The following CC2D1B variants were observed in gnomAD, a reference collection of about 807,000 sequenced individuals.
CC2D1B encodes the protein coiled-coil and C2 domain containing 1B, also known as coiled-coil and C2 domain-containing protein 1B.
Under a neutral mutation model 110.8 loss-of-function variants are expected in CC2D1B, and 92 were observed. The ratio of observed to expected loss-of-function variants is 0.83; its 90% confidence interval spans 0.70 to 0.99. The LOEUF (loss-of-function observed/expected upper bound fraction) is 0.99, where lower values mean the gene tolerates loss of function less well. CC2D1B is among the 50% of genes least tolerant of loss of function. The probability of loss-of-function intolerance (pLI) is 0.00; values close to 1 mark genes in which losing one functional copy is unlikely to be tolerated. For synonymous variants in CC2D1B, 406 were observed against 429.2 expected, an observed-to-expected ratio of 0.95 and a Z score of 0.67; for missense variants, 1,136 against 1,089.0, an observed-to-expected ratio of 1.04 and a Z score of -0.61.
At position 52,356,241 on chromosome 1, in the gene CC2D1B, G is replaced by A. The variant is rs1444760685; in HGVS notation, c.1999C>T (p.Gln667Ter). 3.7e-6 allele frequency: 6 copies of A among 1,614,066 alleles called. No homozygotes were observed. The highest frequency in any genetic ancestry group is 5.1e-6 in the Non-Finnish European group (6 of 1,180,042). ...TGGTGGGTGGGAGGGTCGAGGCCCTGAGCCTGGGCCAGCTGCAGGATCTCC... is the reference window on the plus strand; with the variant it reads ...TGGTGGGTGGGAGGGTCGAGGCCCTAAGCCTGGGCCAGCTGCAGGATCTCC... ...QLEILQLAQAQGLDPPTHHFE... is the reference protein window; with the variant it reads ...QLEILQLAQA The change falls in exon 18 of 25, where the codon CAG becomes TAG. Residue 667 changes from glutamine (Q) to a stop codon, truncating the protein, a stop_gained. Coordinates refer to ENST00000284376, the MANE Select transcript of CC2D1B (RefSeq NM_001330585.2). LOFTEE classifies it high-confidence loss of function.
At chr1:52,356,776 C>CCCT in intron 16 of CC2D1B, 1 of 601,424 alleles carries the variant, frequency 1.7e-6, no homozygotes, top group Middle Eastern at 4.4e-4. Flanking sequence ...AATGTTCTTT[C>CCCT]CCTCTTCTCT....
chr1:52,360,861 G>A (rs766450707), intron 5 of CC2D1B, 113 bp downstream of exon 5: 7 of 1,324,158 alleles, frequency 5.3e-6, no homozygotes, highest in African/African-American at 2.9e-5. Flanking sequence ...GGCTGCTGGG[G>A]GAGGGTCCTG....
Position 52,355,649 on chromosome 1 carries a change from G to A in CC2D1B, c.2146C>T (p.Leu716=). The change falls in exon 20 of 25, where the codon CTG becomes TTG. Residue 716 remains leucine, a synonymous_variant. Transcript: ENST00000284376. ...PAPPGVTPDD[L]DAFVRFEFHY... ...AACTCAAACCGCACAAAAGCATCCA[G>A]GTCATCGGGAGTCACCCCTGGGAAG... 6.2e-7 allele frequency: 1 copy of A among 1,614,196 alleles called. No individual in the cohort carries two copies.
intron 22 of CC2D1B, 45 bp downstream of exon 22, chr1:52,354,795 C>G (rs1473277352): frequency 1.2e-6 from 2 of 1,603,502 alleles, no homozygotes; most frequent in Non-Finnish European, 1.7e-6. Context: ...AAACGCTCTT[C>G]CCTCCTCCCG....
Position 52,353,611 on chromosome 1 carries a change from C to G in CC2D1B, c.2467G>C (p.Glu823Gln). 6.2e-7 allele frequency: 1 copy of G among 1,611,716 alleles called. No homozygotes were observed. Among genetic ancestry groups the G allele is most frequent in the Non-Finnish European group, 8.5e-7 (1 of 1,178,840 alleles). ...GGCTCCCGCAGCCTCACCTTCACCT[C>G]CAGCTTCCCCCCGGTGGGCTTCCTT... ...DGRKPTGGKLEVKVRLREPLS... is the reference protein window; with the variant it reads ...DGRKPTGGKLQVKVRLREPLS... Residue 823 changes from glutamate to glutamine, a missense_variant, in exon 24 of 25, where the codon GAG becomes CAG. Transcript: ENST00000284376.
rs779686730 is a variant in CC2D1B, at chr1:52,359,159, T to C, written c.1127-2A>G. ...CTGTCTGTGACTCTGTAGGGGCCAC[T>C]TGAAGGAAAGAAGGAAGAAGTGGGC... is the stretch of plus-strand genomic sequence containing the variant. On this transcript the variant is annotated splice_acceptor_variant, in intron 10 of 24. Coordinates refer to ENST00000284376, the MANE Select transcript of CC2D1B (RefSeq NM_001330585.2). LOFTEE classifies it high-confidence loss of function. 19 of 1,609,522 alleles carry C rather than the reference T, an allele frequency of 1.2e-5. No homozygotes were observed. The highest frequency in any genetic ancestry group is 2.2e-5 in the South Asian group (2 of 91,062).
Position 52,355,602 on chromosome 1 carries a change from C to A in CC2D1B, c.2187+6G>T. Reference sequence around the variant, plus strand: ...TCAGAGGATCCTACTTCTACCTGAACCTCACCGAGTTAGGGTAGTGAAACT... The same window carrying A: ...TCAGAGGATCCTACTTCTACCTGAAACTCACCGAGTTAGGGTAGTGAAACT... On this transcript the variant is annotated splice_donor_region_variant and intron_variant, in intron 20 of 24. Transcript: ENST00000284376. 6.2e-7 allele frequency: 1 copy of A among 1,614,144 alleles called. No homozygotes were observed. Among genetic ancestry groups the A allele is most frequent in the Non-Finnish European group, 8.5e-7 (1 of 1,180,006 alleles).
In CC2D1B at chr1:52,359,750, C is replaced by T. The variant is rs918231104; in HGVS notation, c.897G>A (p.Arg299=). The change falls in exon 8 of 25, where the codon CGG becomes CGA. Residue 299 remains arginine (R), a synonymous_variant. Transcript: ENST00000284376. ...CTCGGGCACGGTCTAGCTCTCCAGC[C>T]CGCTTGGCACTGAGGGCAGCCACTT... ...EYKVAALSAK[R]AGELDRAREL... is the part of the protein sequence containing the mutation. 7 of 1,610,212 alleles carry T rather than the reference C, an allele frequency of 4.3e-6. No individual in the cohort carries two copies. In the Admixed American group the frequency reaches 1.2e-4, roughly 27 times the overall value.
Position 52,359,134 on chromosome 1 carries a change from C to G in CC2D1B, c.1150G>C (p.Val384Leu), listed in dbSNP as rs543556825. Residue 384 changes from valine (V) to leucine (L), a missense_variant, in exon 11 of 25, where the codon GTG (valine) becomes CTG (leucine). Coordinates refer to ENST00000284376, the MANE Select transcript of CC2D1B (RefSeq NM_001330585.2). The part of the protein sequence containing the change: ...TPVAPTESQT[V>L]LDALQQRLNK... ...AGCCTCTGCTGCAGGGCATCCAGCA[C>G]TGTCTGTGACTCTGTAGGGGCCACT... 6.2e-7 allele frequency: 1 copy of G among 1,611,028 alleles called. No individual in the cohort carries two copies. The highest frequency in any genetic ancestry group is 2.2e-5 in the East Asian group (1 of 44,866).
At chr1:52,361,394 C>A (rs1434763566) in intron 4 of CC2D1B, 119 bp downstream of exon 4, 7 of 1,533,258 alleles carry the variant, frequency 4.6e-6, no homozygotes, top group Non-Finnish European at 6.2e-6. Flanking sequence ...CCAGGAGGGG[C>A]AAGCACTCAC....
intron 2 of CC2D1B, among the ~76,000 whole-genome samples, chr1:52,363,382 G>A (rs1268555595): frequency 1.1e-3 from 163 of 143,022 alleles, no homozygotes; most frequent in African/African-American, 4.0e-3. Flanking sequence ...GCGACACAGC[G>A]AGACTCCGTC....
chr1:52,355,694 A>G (rs1646633807), intron 19 of CC2D1B, 28 bp from the exon 20 acceptor site: 5 of 1,614,078 alleles, frequency 3.1e-6, no homozygotes, highest in Non-Finnish European at 3.4e-6. Flanking sequence ...GAGTCAAGTC[A>G]GAGGGAGTGG....
chr1:52,358,266 G>A, intron 13 of CC2D1B, 65 bp downstream of exon 13: 2 of 1,573,426 alleles, frequency 1.3e-6, no homozygotes, highest in South Asian at 2.4e-5. Flanking sequence ...TGGACAACAG[G>A]GTCTGGGTTT....
rs2147890677 is a variant in CC2D1B at position 52,356,319 on chromosome 1, T to G, written c.1938-17A>C. On this transcript the variant is annotated splice_polypyrimidine_tract_variant and intron_variant, in intron 17 of 24. Coordinates refer to ENST00000284376, the MANE Select transcript of CC2D1B (RefSeq NM_001330585.2). Reference sequence around the variant, plus strand: ...TTCTCAAATCTGACAGGGATGGGTATGTCAGCATGATGGTGGATTTTCTGC... The same window carrying G: ...TTCTCAAATCTGACAGGGATGGGTAGGTCAGCATGATGGTGGATTTTCTGC... 1 of 1,614,090 alleles carries G rather than the reference T, an allele frequency of 6.2e-7. No individual in the cohort carries two copies. The highest frequency in any genetic ancestry group is 1.1e-5 in the South Asian group (1 of 91,088).
rs1264016718 is a variant in CC2D1B at position 52,357,908 on chromosome 1, C to T, written c.1462-10G>A. On this transcript the variant is annotated splice_polypyrimidine_tract_variant and intron_variant, in intron 13 of 24. Transcript: ENST00000284376. ...GTGCTGGGGGCTCACCCTGCAGGTG[C>T]CCAGGAGGCTGTTAGGAGGGGATGT... is the stretch of plus-strand genomic sequence containing the variant. 2 of 1,539,434 alleles carry T rather than the reference C, an allele frequency of 1.3e-6. No homozygotes were observed. The highest frequency in any genetic ancestry group is 4.5e-5 in the East Asian group (2 of 44,484).
In CC2D1B at chr1:52,353,203, T is replaced by A; in HGVS notation, c.*22A>T. ...TCCTGCACAGTCGCGGCCTGACTCC[T>A]CTCCTGGTGCTGGCCATCGGCTACA... On this transcript the variant is annotated 3_prime_UTR_variant, in exon 25 of 25. Coordinates refer to ENST00000284376, the MANE Select transcript of CC2D1B (RefSeq NM_001330585.2). 5 of 1,343,380 alleles carry A rather than the reference T, an allele frequency of 3.7e-6. No individual in the cohort carries two copies. Among genetic ancestry groups the A allele is most frequent in the Non-Finnish European group, 4.9e-6 (5 of 1,015,196 alleles). The allele number at this position is 1,343,380 out of a possible 1,614,324, so 83.2% of individuals were successfully genotyped here. A position where few individuals can be genotyped will look rare whatever the true frequency, so the allele number is the denominator to read the frequency against.
At position 52,355,686 on chromosome 1, in the gene CC2D1B, G is replaced by A; in HGVS notation, c.2129-20C>T. The A allele has an allele frequency of 6.2e-7, 1 of 1,614,152 alleles. No individual in the cohort carries two copies. The highest frequency in any genetic ancestry group is 8.5e-7 in the Non-Finnish European group (1 of 1,180,002). On this transcript the variant is annotated intron_variant, in intron 19 of 24. Coordinates refer to ENST00000284376, the MANE Select transcript of CC2D1B (RefSeq NM_001330585.2). ...TCACCCCTGGGAAGGAGAAAAGGGAGTCAAGTCAGAGGGAGTGGCCAGGAG... is the reference window on the plus strand; with the variant it reads ...TCACCCCTGGGAAGGAGAAAAGGGAATCAAGTCAGAGGGAGTGGCCAGGAG...
Position 52,352,997 on chromosome 1 carries a change from G to C in CC2D1B, c.*228C>G. ...CTCTTCCAGACTCGGGGCAGGGGGA[G>C]ACAGCGGGGAGATGGGCTCCTGGAA... is the stretch of plus-strand genomic sequence containing the variant. On this transcript the variant is annotated 3_prime_UTR_variant, in exon 25 of 25. Transcript: ENST00000284376. 2.6e-6 allele frequency: 1 copy of C among 386,374 alleles called. No individual in the cohort carries two copies. Among genetic ancestry groups the C allele is most frequent in the African/African-American group, 2.1e-5 (1 of 47,176 alleles). 23.9% of individuals were successfully genotyped at this position (386,374 alleles called of 1,614,324 possible).
chr1:52,355,276 A>G, intron 21 of CC2D1B, 122 bp downstream of exon 21: 1 of 1,018,620 alleles, frequency 9.8e-7, no homozygotes, highest in Non-Finnish European at 1.5e-6. Context: ...GCATGTTAAC[A>G]GCACCTTTAT....
Sources: gnomAD v4.1 joint callset for allele counts (sites outside exome capture counted in the v4.1 genomes callset) on GRCh38, gnomAD v4.1.1 for gene constraint, MANE v1.5 for transcripts, NCBI Gene and HGNC (gene_info 2026-07-23, HGNC 2026-07-21) for gene names.